Variants in SLIT3 observed in about 807,000 individuals in gnomAD.
The protein encoded by SLIT3 is slit guidance ligand 3, also known as slit homolog 3 protein.
A neutral mutation model predicts 184.0 loss-of-function variants in SLIT3; 68 were observed. The ratio of observed to expected loss-of-function variants is 0.37; its 90% CI spans 0.30 to 0.45. The LOEUF is 0.45. Ranked by LOEUF, SLIT3 falls within the 20% of genes least tolerant of loss-of-function variation. The probability of loss-of-function intolerance (pLI) is 1.00; values close to 1 mark genes in which losing one functional copy is unlikely to be tolerated. For missense variants in SLIT3, 1,707 were observed against 2,026.0 expected, an observed-to-expected ratio of 0.84 and a Z score of 3.02; for synonymous variants, 831 against 828.6, an observed-to-expected ratio of 1.00 and a Z score of -0.05.
intron 23 of SLIT3, among the ~76,000 whole-genome samples, chr5:168,716,487 T>C (rs1347974690): frequency 1.3e-5 from 2 of 152,232 alleles, no homozygotes; most frequent in Non-Finnish European, 2.9e-5. Flanking sequence ...TTAGCTATGA[T>C]GATTGTTATC....
chr5:169,026,622 C>T (rs1477464264), intron 4 of SLIT3: 1 of 152,162 alleles, frequency 6.6e-6, no homozygotes, highest in Non-Finnish European at 1.5e-5. Context: ...ACATGCATAG[C>T]ATAATCCTAT....
chr5:169,043,386 T>C (rs1324980446), intron 4 of SLIT3, among the ~76,000 whole-genome samples: 1 of 152,218 alleles, frequency 6.6e-6, no homozygotes, highest in Admixed American at 6.5e-5. Context: ...GTACACATAA[T>C]GAGTTGGTAG....
intron 5 of SLIT3, among the ~76,000 whole-genome samples, chr5:168,846,692 G>A (rs1400191617): frequency 6.6e-6 from 1 of 152,248 alleles, no homozygotes; most frequent in Non-Finnish European, 1.5e-5. Flanking sequence ...AGTCTGGGGT[G>A]TGTAGAGATG....
At chr5:168,718,677 TACACACACACACACAC>T (rs1163238928) in intron 23 of SLIT3, among the ~76,000 whole-genome samples, 1,787 of 108,682 alleles carry the variant, frequency 0.016, 44 homozygotes, top group African/African-American at 0.054. Flanking sequence ...TATCCACCCA[TACACACACACACACAC>T]ACACACACAC....
intron 4 of SLIT3, among the ~76,000 whole-genome samples, chr5:169,001,165 G>T (rs995159511): frequency 6.6e-6 from 1 of 152,082 alleles, no homozygotes; most frequent in Non-Finnish European, 1.5e-5. Flanking sequence ...ATCTGATGAG[G>T]ATGAAATGAA....
chr5:169,069,962 C>G (rs1031241360), intron 4 of SLIT3, among the ~76,000 whole-genome samples: 1 of 152,196 alleles, frequency 6.6e-6, no homozygotes, highest in Non-Finnish European at 1.5e-5. Context: ...AGAAAGGTTA[C>G]TCCACGTGCA....
At chr5:168,862,572 T>C (rs1189381281) in intron 5 of SLIT3, among the ~76,000 whole-genome samples, 1 of 152,114 alleles carries the variant, frequency 6.6e-6, no homozygotes, top group Non-Finnish European at 1.5e-5. Flanking sequence ...TTGGGTTGAA[T>C]CACCATCACT....
chr5:169,109,475 C>A (rs775690018), intron 4 of SLIT3, among the ~76,000 whole-genome samples: 1 of 152,220 alleles, frequency 6.6e-6, no homozygotes, highest in Non-Finnish European at 1.5e-5. Flanking sequence ...AGACCCTGAG[C>A]AGAAGATCCA....
intron 4 of SLIT3, among the ~76,000 whole-genome samples, chr5:168,945,584 C>T (rs531539794): frequency 3.3e-5 from 5 of 152,212 alleles, no homozygotes; most frequent in African/African-American, 9.6e-5. Context: ...CTGGCCTGGC[C>T]TCTCCACAGA....
chr5:168,804,418 A>G (rs1414888951), intron 9 of SLIT3, among the ~76,000 whole-genome samples: 2 of 151,850 alleles, frequency 1.3e-5, no homozygotes, highest in Admixed American at 1.3e-4. Flanking sequence ...GGAGATATTT[A>G]AAGTAAATTA....
chr5:169,063,433 G>A (rs890418166), intron 4 of SLIT3, among the ~76,000 whole-genome samples: 7 of 152,098 alleles, frequency 4.6e-5, no homozygotes, highest in African/African-American at 9.7e-5. Context: ...ACATTCCCTC[G>A]ATTCTCTTGT....
At chr5:169,286,999 A>G (rs1022386978) in intron 1 of SLIT3, among the ~76,000 whole-genome samples, 28 of 152,244 alleles carry the variant, frequency 1.8e-4, no homozygotes, top group African/African-American at 6.8e-4. Flanking sequence ...CAAAATTTCT[A>G]GAATGTACAA....
At chr5:169,093,043 C>A (rs1759648936) in intron 4 of SLIT3, among the ~76,000 whole-genome samples, 1 of 152,152 alleles carries the variant, frequency 6.6e-6, no homozygotes, top group South Asian at 2.1e-4. Flanking sequence ...TGTCACAAAA[C>A]AATAAGTTGG....
At chr5:169,215,582 T>C (rs897750322) in intron 3 of SLIT3, among the ~76,000 whole-genome samples, 12 of 152,088 alleles carry the variant, frequency 7.9e-5, no homozygotes, top group Non-Finnish European at 1.6e-4. Flanking sequence ...AATAAATGAG[T>C]GTGGCTGAGT....
intron 14 of SLIT3, among the ~76,000 whole-genome samples, chr5:168,770,016 C>G (rs1030970319): frequency 6.6e-6 from 1 of 152,212 alleles, no homozygotes; most frequent in Admixed American, 6.5e-5. Flanking sequence ...ACCCTCTGTA[C>G]TTTTCAGCAA....
chr5:168,686,185 C>T (rs895554140), intron 30 of SLIT3, among the ~76,000 whole-genome samples: 3 of 152,136 alleles, frequency 2.0e-5, no homozygotes, highest in African/African-American at 7.2e-5. Context: ...GGGAGGATCG[C>T]TTGTGCACAG....
chr5:168,718,713 CACACACACACACACACAT>C (rs1345986101), intron 23 of SLIT3, among the ~76,000 whole-genome samples: 2 of 150,196 alleles, frequency 1.3e-5, no homozygotes, highest in African/African-American at 5.0e-5. Context: ...CACACACACA[CACACACACACACACACAT>C]TCTCTCTCTC....
intron 24 of SLIT3, among the ~76,000 whole-genome samples, chr5:168,711,525 G>GT (rs935792919): frequency 0.031 from 4,533 of 146,116 alleles, 226 homozygotes; most frequent in African/African-American, 0.1. Flanking sequence ...TAGAAATTCT[G>GT]TTTTTTTTTT....
intron 6 of SLIT3, among the ~76,000 whole-genome samples, chr5:168,826,478 A>G (rs991374798): frequency 1.3e-5 from 2 of 152,274 alleles, no homozygotes; most frequent in African/African-American, 4.8e-5. Context: ...CTGGCATTCA[A>G]TGAAGGAATT....
Sources: allele counts gnomAD v4.1 joint callset (sites outside exome capture counted in the v4.1 genomes callset), GRCh38; gene constraint gnomAD v4.1.1; transcripts MANE v1.5; gene names NCBI Gene and HGNC (gene_info 2026-07-23, HGNC 2026-07-21).